Variants in KALRN observed in about 807,000 individuals in gnomAD.
KALRN encodes kalirin.
A neutral mutation model predicts 353.7 loss-of-function variants in KALRN; 70 were observed. The ratio of observed to expected loss-of-function variants is 0.20; its 90% confidence interval spans 0.16 to 0.24. The LOEUF (loss-of-function observed/expected upper bound fraction) is 0.24. Ranked by LOEUF, KALRN falls within the 10% of genes least tolerant of loss-of-function variation. KALRN has a pLI of 1.00. For synonymous variants in KALRN, 1,391 were observed against 1,434.8 expected, an observed-to-expected ratio of 0.97 and a Z score of 0.69; for missense variants, 2,791 against 3,756.7, an observed-to-expected ratio of 0.74 and a Z score of 6.72.
intron 33 of KALRN, among the ~76,000 whole-genome samples, chr3:124,554,957 C>T (rs2071032449): frequency 6.6e-6 from 1 of 152,134 alleles, no homozygotes; most frequent in African/African-American, 2.4e-5. Flanking sequence ...ATTCTGGGAT[C>T]CAAGAGGGAC....
Position 124,495,988 on chromosome 3 carries a change from T to TATATATATATATATACAC in KALRN, c.4833-308_4833-307insCACATATATATATATATA, listed in dbSNP as rs2063751665. Among the ~76,000 whole-genome samples the TATATATATATATATACAC allele has an allele frequency of 2.2e-4, 12 of 53,722 alleles. 1 individual carries two copies. The East Asian group carries it at 7.6e-3, about 34-fold the overall frequency. 35.2% of individuals were successfully genotyped at this position (53,722 alleles called of 152,430 possible). ...ATGTATATATATATATATATATATA[T>TATATATATATATATACAC]ATATATATATATATATATATATATA... On this transcript the variant is annotated intron_variant, in intron 32 of 59. Coordinates refer to ENST00000682506, the MANE Select transcript of KALRN (RefSeq NM_001388419.1).
At chr3:124,701,583 T>G (rs1465297528) in intron 56 of KALRN, among the ~76,000 whole-genome samples, 1 of 152,098 alleles carries the variant, frequency 6.6e-6, no homozygotes, top group African/African-American at 2.4e-5. Context: ...AGACAGGGTC[T>G]TGCTATGTGG....
chr3:124,071,924 T>C (rs192059836), intron 1 of KALRN, among the ~76,000 whole-genome samples: 1 of 152,334 alleles, frequency 6.6e-6, no homozygotes, highest in East Asian at 1.9e-4. Flanking sequence ...CAAAGTGTCT[T>C]CTCTGTTAGA....
At chr3:124,562,069 G>C (rs895892466) in intron 33 of KALRN, among the ~76,000 whole-genome samples, 1 of 152,214 alleles carries the variant, frequency 6.6e-6, no homozygotes, top group Non-Finnish European at 1.5e-5. Context: ...AGACAAGCCA[G>C]CATGGAGCAT....
intron 10 of KALRN, chr3:124,374,401 C>T (rs2149822725): frequency 6.6e-6 from 1 of 152,352 alleles, no homozygotes; most frequent in African/African-American, 2.4e-5. Flanking sequence ...GGTCAGGTAC[C>T]TTTGCTCTTA....
chr3:124,617,275 A>G (rs369454785), intron 34 of KALRN, among the ~76,000 whole-genome samples: 1 of 152,238 alleles, frequency 6.6e-6, no homozygotes, highest in Non-Finnish European at 1.5e-5. Context: ...TTGAGGCTGC[A>G]GTGAACTGTC....
intron 1 of KALRN, among the ~76,000 whole-genome samples, chr3:124,068,881 A>C (rs2042598276): frequency 6.6e-6 from 1 of 152,176 alleles, no homozygotes; most frequent in Non-Finnish European, 1.5e-5. Context: ...TTTCCACTGG[A>C]TGCATGAGGT....
intron 1 of KALRN, among the ~76,000 whole-genome samples, chr3:124,138,549 A>G (rs1385472382): frequency 6.6e-6 from 1 of 152,232 alleles, no homozygotes; most frequent in Non-Finnish European, 1.5e-5. Flanking sequence ...CAAAGATGAA[A>G]AGAGTGACTG....
Position 124,455,348 on chromosome 3 carries a change from G to A in KALRN, c.3724G>A (p.Val1242Ile). The change falls in exon 22 of 60, where the codon GTC becomes ATC. Residue 1242 changes from valine to isoleucine, a missense_variant. Val to Ile is a conservative substitution (Grantham distance 29). Around this residue, in one of 11 missense-constraint regions of KALRN, gnomAD observed 268 missense variants for 347.0 expected, o/e 0.77. Coordinates refer to ENST00000682506, the MANE Select transcript of KALRN (RefSeq NM_001388419.1). ...YRYSLEKALG[V>I]NTEDNKDLEL... ...ATACTCACTGGAGAAAGCCCTAGGAGTCAACACAGAGGTAGGCAGGGGTAT... is the reference window on the plus strand; with the variant it reads ...ATACTCACTGGAGAAAGCCCTAGGAATCAACACAGAGGTAGGCAGGGGTAT... 5.0e-6 allele frequency: 8 copies of A among 1,614,106 alleles called. No individual in the cohort carries two copies. Among genetic ancestry groups the A allele is most frequent in the Non-Finnish European group, 6.8e-6 (8 of 1,179,982 alleles).
chr3:124,424,109 A>G lies in KALRN; in HGVS notation c.2709+1131A>G, dbSNP rs536770892. ...CTGAAGCTTAAGAGGTCAGCAGACC[A>G]TGGTCACCCTGAGGAGAGAACACAC... is the stretch of plus-strand genomic sequence containing the variant. On this transcript the variant is annotated intron_variant, in intron 15 of 59. Transcript: ENST00000682506. Among the ~76,000 whole-genome samples the G allele has an allele frequency of 1.4e-4, 21 of 152,244 alleles. No homozygotes were observed. The South Asian group carries it at 1.5e-3, about 11-fold the overall frequency.
chr3:124,635,855 C>G (rs1460668736), intron 36 of KALRN, among the ~76,000 whole-genome samples: 1 of 151,994 alleles, frequency 6.6e-6, no homozygotes, highest in African/African-American at 2.4e-5. Context: ...ATTTGCTGTT[C>G]CATAATGTGT....
chr3:124,413,785 A>T (rs1471131937), intron 14 of KALRN, 120 bp downstream of exon 14: 2 of 846,068 alleles, frequency 2.4e-6, no homozygotes, highest in Non-Finnish European at 3.6e-6. Context: ...CAAAGAATAG[A>T]GATTTTTACC....
chr3:124,422,681 G>A (rs991490271), intron 14 of KALRN, 131 bp from the exon 15 acceptor site: 2 of 701,456 alleles, frequency 2.9e-6, no homozygotes, highest in Middle Eastern at 4.1e-4. Context: ...GTTTCACAGA[G>A]GAATATTTAG....
chr3:124,446,714 T>C, intron 20 of KALRN, 49 bp from the exon 21 acceptor site: 2 of 1,611,830 alleles, frequency 1.2e-6, no homozygotes, highest in South Asian at 1.1e-5. Flanking sequence ...CATGTTTTCC[T>C]ACTGACAGCT....
At chr3:124,246,364 C>A (rs2148701672) in intron 3 of KALRN, among the ~76,000 whole-genome samples, 1 of 152,372 alleles carries the variant, frequency 6.6e-6, no homozygotes, top group African/African-American at 2.4e-5. Flanking sequence ...GCCTCCCAGG[C>A]AAGGATTCCT....
At chr3:124,474,279 C>T (rs1042297366) in intron 25 of KALRN, among the ~76,000 whole-genome samples, 5 of 151,950 alleles carry the variant, frequency 3.3e-5, no homozygotes, top group African/African-American at 2.4e-5. Flanking sequence ...TCTAGGATAG[C>T]GATATTTTAT....
At chr3:124,610,128 A>C (rs563629668) in intron 34 of KALRN, among the ~76,000 whole-genome samples, 18 of 152,266 alleles carry the variant, frequency 1.2e-4, no homozygotes, top group Non-Finnish European at 2.5e-4. Flanking sequence ...CAGGGGAAAA[A>C]AATTCCCTGC....
chr3:124,088,111 GT>G lies in KALRN; in HGVS notation c.73+54308del, dbSNP rs139546266. Among the ~76,000 whole-genome samples, 1,069 of 149,858 alleles carry G rather than the reference GT, an allele frequency of 7.1e-3. 8 individuals carry two copies. Among genetic ancestry groups the G allele is most frequent in the African/African-American group, 0.022 (882 of 40,996 alleles). On this transcript the variant is annotated intron_variant, in intron 1 of 59. Coordinates refer to ENST00000682506, the MANE Select transcript of KALRN (RefSeq NM_001388419.1). ...AAATTTTTCTTCTTGAAGTTTTATA[GT>G]TTTTTTTTTCCCCATGGGTATCATG...
At chr3:124,100,298 A>G (rs1027248163) in intron 1 of KALRN, 1 of 152,166 alleles carries the variant, frequency 6.6e-6, no homozygotes, top group African/African-American at 2.4e-5. Context: ...TTGGATTAAC[A>G]ATTTGCAAAT....
Sources: allele counts gnomAD v4.1 joint callset (sites outside exome capture counted in the v4.1 genomes callset), GRCh38; gene constraint gnomAD v4.1.1; regional missense constraint gnomAD v4.1.1; transcripts MANE v1.5; gene names NCBI Gene and HGNC (gene_info 2026-07-23, HGNC 2026-07-21).